Variants in STPG2 observed in about 807,000 individuals in gnomAD.
The protein encoded by STPG2 is sperm tail PG-rich repeat containing 2.
In STPG2, 56 loss-of-function variants were observed where a neutral mutation model predicts 54.2. The ratio of observed to expected loss-of-function variants is 1.03; its 90% confidence interval spans 0.83 to 1.29. The LOEUF (loss-of-function observed/expected upper bound fraction) is 1.29, where lower values mean the gene tolerates loss of function less well. STPG2 is among the 50% of genes most tolerant of loss of function. STPG2 has a pLI of 0.00. For missense variants in STPG2, 596 were observed against 544.9 expected (o/e 1.09, Z -0.93); for synonymous variants, 200 against 181.8 (o/e 1.10, Z -0.81).
At chr4:98,108,028 G>T (rs945932566) in intron 4 of STPG2, among the ~76,000 whole-genome samples, 4 of 152,054 alleles carry the variant, frequency 2.6e-5, no homozygotes, top group Non-Finnish European at 5.9e-5. Flanking sequence ...CATATTAAGA[G>T]AGTGAAAAAG....
intron 5 of STPG2, among the ~76,000 whole-genome samples, chr4:98,015,170 C>A (rs892774720): frequency 2.6e-5 from 4 of 152,058 alleles, no homozygotes; most frequent in Non-Finnish European, 5.9e-5. Context: ...GATTAAAACA[C>A]CAAAAGTAAT....
Position 97,700,333 on chromosome 4 carries a change from G to A in STPG2, c.1320+12366C>T, listed in dbSNP as rs138920985. On this transcript the variant is annotated intron_variant, in intron 10 of 10. Transcript: ENST00000295268. ...CTCCACTCCAAAATAGCAGCCTTTT[G>A]GGTCACTCAACAAATGGGCCAGAGC... Among the ~76,000 whole-genome samples, 1,146 of 152,280 alleles carry A rather than the reference G, an allele frequency of 7.5e-3. 10 individuals are homozygous for A. Among genetic ancestry groups the A allele is most frequent in the Non-Finnish European group, 0.012 (812 of 68,020 alleles).
intron 10 of STPG2, among the ~76,000 whole-genome samples, chr4:97,583,910 C>T (rs1560672206): frequency 6.6e-6 from 1 of 151,822 alleles, no homozygotes; most frequent in Non-Finnish European, 1.5e-5. Context: ...ATGAGATACA[C>T]AGCAAGACAA....
rs927204064 is a variant in STPG2 at position 97,619,528 on chromosome 4, T to TG, written c.1321-60412_1321-60411insC. Among the ~76,000 whole-genome samples the TG allele has an allele frequency of 1.1e-4, 16 of 151,434 alleles. No individual in the cohort carries two copies. The South Asian group carries it at 1.3e-3, about 12-fold the overall frequency. On this transcript the variant is annotated intron_variant, in intron 10 of 10. Transcript: ENST00000295268. ...ATATTTTGACATGATTCCAGTGTTTTTTTTTTTTTTCTCACCTCTGGGCAC... is the reference window on the plus strand; with the variant it reads ...ATATTTTGACATGATTCCAGTGTTTTGTTTTTTTTTTCTCACCTCTGGGCAC...
intron 8 of STPG2, among the ~76,000 whole-genome samples, chr4:97,859,668 T>C (rs897528463): frequency 6.6e-6 from 1 of 152,152 alleles, no homozygotes. Context: ...ATTCACCATG[T>C]TGGCCAGGCT....
At chr4:97,441,359 C>T (rs1235353041) in intron 4 of STPG2, 4 of 151,756 alleles carry the variant, frequency 2.6e-5, no homozygotes, top group Non-Finnish European at 3.0e-5. Context: ...TAACAGGAAA[C>T]ATTTTCTGAA....
chr4:97,685,242 T>C lies in STPG2; in HGVS notation c.1320+27457A>G, dbSNP rs945485120. 2.6e-5 allele frequency among the ~76,000 whole-genome samples: 4 copies of C among 152,212 alleles called. No homozygotes were observed. In the East Asian group the frequency reaches 7.7e-4, roughly 29 times the overall value. ...TTTACCCAAATAAGTTGAAAATTTA[T>C]ATAGACAAAAAACCTGCACATGAAT... On this transcript the variant is annotated intron_variant, in intron 10 of 10. Transcript: ENST00000295268.
At chr4:97,687,451 T>A (rs1237260980) in intron 10 of STPG2, among the ~76,000 whole-genome samples, 1 of 152,122 alleles carries the variant, frequency 6.6e-6, no homozygotes, top group Non-Finnish European at 1.5e-5. Context: ...GTGAGTCTCC[T>A]GTCTCAGCTT....
chr4:97,913,549 T>C (rs572970503), intron 8 of STPG2, among the ~76,000 whole-genome samples: 90 of 152,262 alleles, frequency 5.9e-4, no homozygotes, highest in Admixed American at 1.4e-3. Flanking sequence ...CATATAATAA[T>C]GATAGTATAG....
chr4:97,980,429 T>C (rs778502241), intron 6 of STPG2, among the ~76,000 whole-genome samples: 1 of 152,114 alleles, frequency 6.6e-6, no homozygotes, highest in East Asian at 1.9e-4. Flanking sequence ...AATTAACTAA[T>C]AGAATGCAGA....
intron 10 of STPG2, among the ~76,000 whole-genome samples, chr4:97,595,604 T>G (rs936559369): frequency 4.8e-5 from 7 of 146,032 alleles, no homozygotes; most frequent in African/African-American, 1.8e-4. Flanking sequence ...ATAATAAAAA[T>G]AAAAAAACAA....
intron 10 of STPG2, among the ~76,000 whole-genome samples, chr4:97,585,587 T>C (rs1179069772): frequency 6.6e-6 from 1 of 151,956 alleles, no homozygotes; most frequent in African/African-American, 2.4e-5. Context: ...GTTTTCTAGA[T>C]CTTTCAGACA....
chr4:97,753,238 T>G (rs1257583918), intron 9 of STPG2, among the ~76,000 whole-genome samples: 1 of 151,916 alleles, frequency 6.6e-6, no homozygotes, highest in Non-Finnish European at 1.5e-5. Flanking sequence ...TAACCTACCT[T>G]TTCTCCTCCT....
At chr4:98,097,002 C>G (rs1403243729) in intron 5 of STPG2, among the ~76,000 whole-genome samples, 1 of 152,018 alleles carries the variant, frequency 6.6e-6, no homozygotes, top group East Asian at 1.9e-4. Flanking sequence ...TAAAGAAAAG[C>G]CTGGGACGTG....
intron 10 of STPG2, among the ~76,000 whole-genome samples, chr4:97,598,347 A>G (rs1413989753): frequency 6.6e-6 from 1 of 151,924 alleles, no homozygotes; most frequent in African/African-American, 2.4e-5. Context: ...ATTCCAAACT[A>G]CCAATGACAT....
chr4:97,801,527 C>T (rs1055373508), intron 9 of STPG2, among the ~76,000 whole-genome samples: 7 of 152,160 alleles, frequency 4.6e-5, no homozygotes, highest in African/African-American at 1.4e-4. Flanking sequence ...AATATAGAAG[C>T]TATGGTGAGT....
intron 5 of STPG2, among the ~76,000 whole-genome samples, chr4:98,022,808 A>G (rs1289965402): frequency 6.6e-6 from 1 of 152,124 alleles, no homozygotes; most frequent in East Asian, 1.9e-4. Flanking sequence ...AGTTGATCGC[A>G]TCGGCTCCTG....
intron 10 of STPG2, among the ~76,000 whole-genome samples, chr4:97,665,252 C>A (rs1384517949): frequency 1.3e-5 from 2 of 152,164 alleles, no homozygotes; most frequent in Admixed American, 6.5e-5. Flanking sequence ...GCTCTTTCAG[C>A]CTCACCATTC....
intron 10 of STPG2, among the ~76,000 whole-genome samples, chr4:97,573,435 T>C (rs1360900422): frequency 6.6e-6 from 1 of 151,960 alleles, no homozygotes; most frequent in Non-Finnish European, 1.5e-5. Flanking sequence ...TAAATCACCA[T>C]GTGTGAAATC....
Sources: allele counts gnomAD v4.1 joint callset (sites outside exome capture counted in the v4.1 genomes callset), GRCh38; gene constraint gnomAD v4.1.1; transcripts MANE v1.5; gene names NCBI Gene and HGNC (gene_info 2026-07-23, HGNC 2026-07-21).